The following ALS2 variants were observed in gnomAD, a reference collection of about 807,000 sequenced individuals.
ALS2 encodes the protein alsin Rho guanine nucleotide exchange factor ALS2.
ALS2 carries 117 observed loss-of-function variants against 203.4 expected under a neutral mutation model. The observed-to-expected ratio is 0.58, with a 90% confidence interval of 0.50 to 0.67. The LOEUF (loss-of-function observed/expected upper bound fraction) is 0.67, where lower values mean the gene tolerates loss of function less well. Among genes scored for constraint, ALS2 ranks in the 30% least tolerant of loss-of-function variants. ALS2 has a pLI of 0.00. For missense variants in ALS2, 1,715 were observed against 1,989.4 expected, an observed-to-expected ratio of 0.86 and a Z score of 2.62; for synonymous variants, 718 against 725.9, an observed-to-expected ratio of 0.99 and a Z score of 0.17.
Position 201,754,613 on chromosome 2 carries a change from G to T in ALS2, c.1530C>A (p.Thr510=). ...CATCTGCTTCTCCACTGTATGTGGG[G>T]GTCAGAACCACTGTCCTCGTTTTCA... ...ARVKTRTVVL[T]PTYSGEADAL... Residue 510 remains threonine, a synonymous_variant, in exon 6 of 34, where the codon ACC becomes ACA. Coordinates refer to ENST00000264276, the MANE Select transcript of ALS2 (RefSeq NM_020919.4). The T allele has an allele frequency of 6.2e-7, 1 of 1,614,100 alleles. No individual in the cohort carries two copies. The highest frequency in any genetic ancestry group is 1.1e-5 in the South Asian group (1 of 91,088).
intron 25 of ALS2, among the ~76,000 whole-genome samples, chr2:201,713,005 T>C (rs894753005): frequency 3.9e-5 from 6 of 152,306 alleles, no homozygotes; most frequent in Admixed American, 3.9e-4. Flanking sequence ...TCTGTGGTTT[T>C]TCCCAAGATG....
intron 1 of ALS2, among the ~76,000 whole-genome samples, chr2:201,779,458 T>C (rs914855691): frequency 1.3e-5 from 2 of 152,224 alleles, no homozygotes; most frequent in African/African-American, 4.8e-5. Context: ...TAAAATGTCC[T>C]TATGGAACAC....
At chr2:201,749,816 T>C (rs1336235431) in intron 7 of ALS2, 27 bp from the exon 8 acceptor site, 2 of 1,590,362 alleles carry the variant, frequency 1.3e-6, no homozygotes, top group Non-Finnish European at 1.7e-6. Flanking sequence ...GAAAAGTAGC[T>C]AAGCGTTGTG....
intron 12 of ALS2, among the ~76,000 whole-genome samples, chr2:201,733,917 T>C (rs1691724752): frequency 2.0e-5 from 3 of 152,200 alleles, no homozygotes; most frequent in African/African-American, 2.4e-5. Context: ...CCTTCAATTA[T>C]TGATCACCTA....
rs1691291767 is a variant in ALS2 at position 201,727,855 on chromosome 2, T to C, written c.2842-80A>G. On this transcript the variant is annotated intron_variant, in intron 15 of 33. Coordinates refer to ENST00000264276, the MANE Select transcript of ALS2 (RefSeq NM_020919.4). The stretch of plus-strand genomic sequence containing the variant: ...CTCTGCCCATATCCCCTTCATGTCA[T>C]TAACCCACATGGGCCTTGCAGTCTC... The C allele has an allele frequency of 6.1e-6, 8 of 1,303,410 alleles. No homozygotes were observed. In the South Asian group the frequency reaches 7.6e-5, roughly 12 times the overall value. 80.7% of individuals were successfully genotyped at this position (1,303,410 alleles called of 1,614,324 possible).
At chr2:201,710,921 A>G in intron 26 of ALS2, 70 bp downstream of exon 26, 2 of 963,692 alleles carry the variant, frequency 2.1e-6, no homozygotes, top group East Asian at 2.4e-5. Context: ...CTGTGAGTCT[A>G]TCTGAATGAT....
chr2:201,778,775 G>C (rs1256706064), intron 1 of ALS2, among the ~76,000 whole-genome samples: 1 of 152,144 alleles, frequency 6.6e-6, no homozygotes, highest in Admixed American at 6.5e-5. Flanking sequence ...ATTCCACAAA[G>C]TTATAAAAAG....
At chr2:201,734,625 G>A (rs1249506504) in intron 12 of ALS2, among the ~76,000 whole-genome samples, 1 of 152,132 alleles carries the variant, frequency 6.6e-6, no homozygotes, top group Admixed American at 6.5e-5. Flanking sequence ...CCTGAGAGAC[G>A]GAGGTAAGAT....
chr2:201,729,063 C>A lies in ALS2; in HGVS notation c.2701G>T (p.Gly901Ter). 1 of 1,614,026 alleles carries A rather than the reference C, an allele frequency of 6.2e-7. No homozygotes were observed. Among genetic ancestry groups the A allele is most frequent in the Non-Finnish European group, 8.5e-7 (1 of 1,179,984 alleles). ...CTGGCATGGCTTACCGTCATTTTTC[C>A]GGGGAAGGTCTTCCAGAAGCCCAGT... Reference protein sequence around the residue: ...YTLGFWKTFPGKMTDSLRKPE... With the variant: ...YTLGFWKTFP The change falls in exon 14 of 34, where the codon GGA (glycine) becomes TGA (stop). Residue 901 changes from glycine to a stop codon, truncating the protein, a stop_gained. Transcript: ENST00000264276. LOFTEE classifies it high-confidence loss of function.
intron 15 of ALS2, among the ~76,000 whole-genome samples, chr2:201,728,125 T>C (rs1024808754): frequency 6.6e-6 from 1 of 152,258 alleles, no homozygotes; most frequent in Non-Finnish European, 1.5e-5. Flanking sequence ...CTTTAAGTTC[T>C]AGGGTACATC....
In ALS2 at chr2:201,726,864, T is replaced by C. The variant is rs747930024; in HGVS notation, c.2982A>G (p.Thr994=). ...TLISSTPQEK[T]KWLRAISQAV... ...CTTGGCTTATAGCTCGTAGCCACTT[T>C]GTCTAGGAGCAAAAAGTAACGTCAA... Residue 994 remains threonine, a splice_region_variant and synonymous_variant, in exon 18 of 34, where the codon ACA becomes ACG. Transcript: ENST00000264276. 6.2e-6 allele frequency: 10 copies of C among 1,613,682 alleles called. No individual in the cohort carries two copies. In the African/African-American group the frequency reaches 1.1e-4, roughly 17 times the overall value.
At position 201,745,754 on chromosome 2, in the gene ALS2, G is replaced by A. The variant is rs566158082; in HGVS notation, c.1998+812C>T. Among the ~76,000 whole-genome samples, 7 of 152,210 alleles carry A rather than the reference G, an allele frequency of 4.6e-5. No individual in the cohort carries two copies. The South Asian group carries it at 6.2e-4, about 14-fold the overall frequency. On this transcript the variant is annotated intron_variant, in intron 9 of 33. Transcript: ENST00000264276. Reference sequence around the variant, plus strand: ...ACTTGAGGTCAGGAGTTCAAGACCAGCCTGACCAACGTGGTGAAACCCCGT... The same window carrying A: ...ACTTGAGGTCAGGAGTTCAAGACCAACCTGACCAACGTGGTGAAACCCCGT...
chr2:201,701,592 T>C lies in ALS2; in HGVS notation c.*259A>G. 2.5e-6 allele frequency: 1 copy of C among 400,756 alleles called. No individual in the cohort carries two copies. The highest frequency in any genetic ancestry group is 3.9e-5 in the East Asian group (1 of 25,506). 24.8% of individuals were successfully genotyped at this position (400,756 alleles called of 1,614,324 possible). A position where few individuals can be genotyped will look rare whatever the true frequency, so the allele number is the denominator to read the frequency against. ...CTTCTTTTTTCAAATAGTAGATAAA[T>C]GGTATTTTTGGAACTTATCATAGGC... is the stretch of plus-strand genomic sequence containing the variant. On this transcript the variant is annotated 3_prime_UTR_variant, in exon 34 of 34. Coordinates refer to ENST00000264276, the MANE Select transcript of ALS2 (RefSeq NM_020919.4).
At chr2:201,756,569 A>G (rs1474908862) in intron 5 of ALS2, among the ~76,000 whole-genome samples, 1 of 152,204 alleles carries the variant, frequency 6.6e-6, no homozygotes, top group Non-Finnish European at 1.5e-5. Flanking sequence ...TTTTGTAAAT[A>G]AAGTTTTGTT....
intron 3 of ALS2, among the ~76,000 whole-genome samples, chr2:201,764,674 T>C (rs576604924): frequency 6.0e-5 from 9 of 150,580 alleles, no homozygotes; most frequent in South Asian, 2.1e-4. Flanking sequence ...AATAAATAAA[T>C]AAATAAATAA....
rs1211995765 is a variant in ALS2, at chr2:201,757,625, C to G, written c.1248G>C (p.Leu416Phe). The change falls in exon 5 of 34, where the codon TTG (leucine) becomes TTC (phenylalanine). Residue 416 changes from leucine (L) to phenylalanine (F), a missense_variant. Physicochemically the swap from Leu to Phe is conservative, Grantham distance 22. Transcript: ENST00000264276. ...RVAATYEAGA[L>F]SLKKVMNFYS... ...AAAAGTTCATAACTTTCTTCAGTGA[C>G]AAGGCACCAGCTTCATAAGTAGCAG... 6.2e-7 allele frequency: 1 copy of G among 1,614,160 alleles called. No individual in the cohort carries two copies. The highest frequency in any genetic ancestry group is 1.1e-5 in the South Asian group (1 of 91,082).
At chr2:201,778,581 C>T (rs565695779) in intron 1 of ALS2, 7 of 152,230 alleles carry the variant, frequency 4.6e-5, no homozygotes, top group African/African-American at 1.7e-4. Context: ...GAGATTGTTG[C>T]TATTTTATTG....
Position 201,759,408 on chromosome 2 carries a change from G to A in ALS2, c.1113+1473C>T, listed in dbSNP as rs972077241. 9 of 954,932 alleles carry A rather than the reference G, an allele frequency of 9.4e-6. No homozygotes were observed. The African/African-American group carries it at 1.4e-4, about 15-fold the overall frequency. The allele number at this position is 954,932 out of a possible 1,614,324, so 59.2% of individuals were successfully genotyped here. Reference sequence around the variant, plus strand: ...CCTTGTGAATTAGCTGTATGATTGAGATGTTATTTACAAAGAATAAATTAA... The same window carrying A: ...CCTTGTGAATTAGCTGTATGATTGAAATGTTATTTACAAAGAATAAATTAA... On this transcript the variant is annotated intron_variant, in intron 4 of 33. Transcript: ENST00000264276.
At chr2:201,702,864 C>T (rs1001720121) in intron 33 of ALS2, among the ~76,000 whole-genome samples, 7 of 152,158 alleles carry the variant, frequency 4.6e-5, no homozygotes, top group Non-Finnish European at 1.0e-4. Context: ...GCCTGTAATC[C>T]CAGCGTTTTG....
Sources: allele counts gnomAD v4.1 joint callset (sites outside exome capture counted in the v4.1 genomes callset), GRCh38; gene constraint gnomAD v4.1.1; transcripts MANE v1.5; gene names NCBI Gene and HGNC (gene_info 2026-07-23, HGNC 2026-07-21).